The following STK32B variants were observed in gnomAD, a reference collection of about 807,000 sequenced individuals.
The protein encoded by STK32B is serine/threonine kinase 32B.
In STK32B, 43 loss-of-function variants were observed where a neutral mutation model predicts 52.6. That is an observed-to-expected ratio of 0.82 (90% CI 0.64 to 1.05). The LOEUF (loss-of-function observed/expected upper bound fraction) is 1.05. Ranked by LOEUF, STK32B falls within the 50% of genes least tolerant of loss-of-function variation. The pLI is 0.00. For missense variants in STK32B, 621 were observed against 534.6 expected (o/e 1.16, Z -1.59); for synonymous variants, 238 against 204.3 (o/e 1.17, Z -1.41).
intron 9 of STK32B, among the ~76,000 whole-genome samples, chr4:5,461,812 G>A (rs1717049864): frequency 6.6e-6 from 1 of 152,286 alleles, no homozygotes; most frequent in Admixed American, 6.5e-5. Context: ...ACCTCCTTCT[G>A]CCCGCCCAGA....
chr4:5,193,895 G>T (rs1476636579), intron 3 of STK32B, among the ~76,000 whole-genome samples: 1 of 152,166 alleles, frequency 6.6e-6, no homozygotes, highest in African/African-American at 2.4e-5. Flanking sequence ...CATCTGTGCT[G>T]GGCACCTCCT....
chr4:5,487,956 C>G (rs1719375124), intron 11 of STK32B, among the ~76,000 whole-genome samples: 1 of 152,060 alleles, frequency 6.6e-6, no homozygotes, highest in African/African-American at 2.4e-5. Flanking sequence ...CAAAGCAAGT[C>G]TCATTTTAGT....
chr4:5,059,671 ATACTC>A (rs1396046851), intron 1 of STK32B, among the ~76,000 whole-genome samples: 1 of 152,246 alleles, frequency 6.6e-6, no homozygotes, highest in Non-Finnish European at 1.5e-5. Flanking sequence ...AGTGGACAAA[ATACTC>A]TATAAAAGCA....
At chr4:5,153,473 T>G (rs1437127375) in intron 2 of STK32B, among the ~76,000 whole-genome samples, 1 of 151,120 alleles carries the variant, frequency 6.6e-6, no homozygotes, top group African/African-American at 2.5e-5. Context: ...TTTCCTTTTT[T>G]TTTTTTAATT....
intron 6 of STK32B, among the ~76,000 whole-genome samples, chr4:5,439,202 A>G: frequency 6.7e-6 from 1 of 149,760 alleles, no homozygotes; most frequent in East Asian, 2.0e-4. Context: ...TGGTTGAACT[A>G]GTTTACAGTC....
intron 1 of STK32B, among the ~76,000 whole-genome samples, chr4:5,085,606 G>A (rs1057100454): frequency 2.0e-5 from 3 of 152,158 alleles, no homozygotes; most frequent in Admixed American, 6.5e-5. Context: ...GGCCATTAGT[G>A]AAAATGGCCG....
At chr4:5,410,287 T>A (rs2109062036) in intron 5 of STK32B, among the ~76,000 whole-genome samples, 1 of 152,002 alleles carries the variant, frequency 6.6e-6, no homozygotes, top group South Asian at 2.1e-4. Flanking sequence ...GCAGCACCAC[T>A]TTAACCTCTG....
At chr4:5,060,802 GTTTTTTTCT>G (rs899997261) in intron 1 of STK32B, among the ~76,000 whole-genome samples, 4 of 151,986 alleles carry the variant, frequency 2.6e-5, no homozygotes, top group South Asian at 4.1e-4. Flanking sequence ...ATGTCAGCAG[GTTTTTTTCT>G]TCAGCATTTT....
intron 3 of STK32B, among the ~76,000 whole-genome samples, chr4:5,248,908 C>T (rs1199054663): frequency 2.7e-5 from 4 of 149,082 alleles, no homozygotes; most frequent in African/African-American, 7.6e-5. Context: ...GGGAACATCA[C>T]ACACTGGGGA....
At chr4:5,108,540 G>T (rs1421033948) in intron 1 of STK32B, among the ~76,000 whole-genome samples, 3 of 152,072 alleles carry the variant, frequency 2.0e-5, no homozygotes, top group Non-Finnish European at 2.9e-5. Flanking sequence ...ACTTAATTTT[G>T]TCGTTTTTAA....
At chr4:5,263,166 G>T (rs761292546) in intron 3 of STK32B, among the ~76,000 whole-genome samples, 9 of 150,848 alleles carry the variant, frequency 6.0e-5, no homozygotes, top group Non-Finnish European at 8.8e-5. Context: ...ATGAATTGGT[G>T]CTCTCTAAGG....
intron 11 of STK32B, 23 bp downstream of exon 11, chr4:5,468,093 C>T: frequency 1.9e-6 from 3 of 1,612,682 alleles, no homozygotes; most frequent in Middle Eastern, 1.7e-4. Context: ...TACTGTCCCC[C>T]TTGGGCAAAG....
chr4:5,375,603 C>G (rs890342925), intron 4 of STK32B, among the ~76,000 whole-genome samples: 1 of 152,146 alleles, frequency 6.6e-6, no homozygotes, highest in Non-Finnish European at 1.5e-5. Context: ...TTTAAGAACA[C>G]AATATCTTCT....
At chr4:5,423,118 G>A (rs1024914608) in intron 6 of STK32B, among the ~76,000 whole-genome samples, 4 of 152,106 alleles carry the variant, frequency 2.6e-5, no homozygotes, top group Admixed American at 1.3e-4. Context: ...CAGTGCTGGA[G>A]ACCACTATGA....
intron 6 of STK32B, among the ~76,000 whole-genome samples, chr4:5,429,334 C>T (rs1055894283): frequency 2.0e-5 from 3 of 151,934 alleles, no homozygotes; most frequent in African/African-American, 7.2e-5. Context: ...CTTGCCTTTT[C>T]TTGTATTTGT....
chr4:5,227,213 TTC>T, intron 3 of STK32B, among the ~76,000 whole-genome samples: 1 of 152,348 alleles, frequency 6.6e-6, no homozygotes, highest in East Asian at 1.9e-4. Flanking sequence ...AAGCAGTATC[TTC>T]TTAAAGATTA....
intron 3 of STK32B, among the ~76,000 whole-genome samples, chr4:5,178,791 C>G (rs1019276717): frequency 6.6e-6 from 1 of 152,210 alleles, no homozygotes; most frequent in Non-Finnish European, 1.5e-5. Flanking sequence ...CCATCTGAGA[C>G]TACATCAGCC....
intron 3 of STK32B, among the ~76,000 whole-genome samples, chr4:5,206,713 G>A (rs1211843668): frequency 6.6e-6 from 1 of 152,132 alleles, no homozygotes; most frequent in Admixed American, 6.6e-5. Context: ...ACCCAGATCT[G>A]TTTCTGCTGA....
At chr4:5,085,993 T>C (rs1712710926) in intron 1 of STK32B, among the ~76,000 whole-genome samples, 1 of 140,884 alleles carries the variant, frequency 7.1e-6, no homozygotes, top group Non-Finnish European at 1.7e-5. Flanking sequence ...ACTTTCCCAG[T>C]GCTACTTGGG....
Sources: allele counts gnomAD v4.1 joint callset (sites outside exome capture counted in the v4.1 genomes callset), GRCh38; gene constraint gnomAD v4.1.1; transcripts MANE v1.5; gene names NCBI Gene and HGNC (gene_info 2026-07-23, HGNC 2026-07-21).